PLXNA2: variants seen among roughly 807,000 people sequenced by gnomAD.
The protein encoded by PLXNA2 is plexin A2.
In PLXNA2, 91 loss-of-function variants were observed where a neutral mutation model predicts 193.5. The observed-to-expected ratio is 0.47, with a 90% CI of 0.40 to 0.56. The LOEUF (loss-of-function observed/expected upper bound fraction) is 0.56, where lower values mean the gene tolerates loss of function less well. PLXNA2 is among the 20% of genes least tolerant of loss of function. The pLI, the probability that PLXNA2 is intolerant of heterozygous loss-of-function variation, is 0.00. For missense variants in PLXNA2, 1,995 were observed against 2,503.2 expected, an observed-to-expected ratio of 0.80 and a Z score of 4.33; for synonymous variants, 997 against 1,027.3, an observed-to-expected ratio of 0.97 and a Z score of 0.56.
At chr1:208,174,355 C>T (rs1319754779) in intron 3 of PLXNA2, among the ~76,000 whole-genome samples, 2 of 140,948 alleles carry the variant, frequency 1.4e-5, no homozygotes, top group South Asian at 2.3e-4. Context: ...CTTGCAGAGG[C>T]GCCTGGGGGA....
At chr1:208,099,330 C>A (rs954974672) in intron 5 of PLXNA2, among the ~76,000 whole-genome samples, 1 of 152,146 alleles carries the variant, frequency 6.6e-6, no homozygotes, top group African/African-American at 2.4e-5. Context: ...CTCCACAGTG[C>A]GGGAGCGGGC....
At chr1:208,091,120 G>A (rs985165783) in intron 9 of PLXNA2, among the ~76,000 whole-genome samples, 1 of 152,168 alleles carries the variant, frequency 6.6e-6, no homozygotes, top group African/African-American at 2.4e-5. Flanking sequence ...TTTCTGAAAG[G>A]TTCTCAGGGC....
chr1:208,159,584 G>C (rs1241712445), intron 3 of PLXNA2, among the ~76,000 whole-genome samples: 1 of 152,244 alleles, frequency 6.6e-6, no homozygotes, highest in East Asian at 1.9e-4. Flanking sequence ...AGGGGATTTA[G>C]GACTCTGACA....
chr1:208,135,491 A>G (rs937541419), intron 4 of PLXNA2, among the ~76,000 whole-genome samples: 1 of 152,198 alleles, frequency 6.6e-6, no homozygotes, highest in African/African-American at 2.4e-5. Context: ...CCTGCTACTG[A>G]TGGATTCCTG....
At chr1:208,072,777 C>G (rs147568554) in intron 12 of PLXNA2, among the ~76,000 whole-genome samples, 2,886 of 152,292 alleles carry the variant, frequency 0.019, 43 homozygotes, top group Non-Finnish European at 0.029. Flanking sequence ...AAGTGTGGAC[C>G]TCATTACATT....
intron 28 of PLXNA2, chr1:208,032,226 G>GT (rs1190425671): frequency 3.9e-6 from 3 of 766,786 alleles, no homozygotes; most frequent in Non-Finnish European, 4.8e-6. Flanking sequence ...GAGACAAGTG[G>GT]TATCTGGAAT....
chr1:208,179,564 C>T (rs1212925787), intron 3 of PLXNA2, among the ~76,000 whole-genome samples: 1 of 152,196 alleles, frequency 6.6e-6, no homozygotes, highest in East Asian at 1.9e-4. Context: ...GACTACACGT[C>T]AGCCCTAGAG....
intron 12 of PLXNA2, among the ~76,000 whole-genome samples, chr1:208,077,316 A>G (rs1666191276): frequency 6.6e-6 from 1 of 152,194 alleles, no homozygotes; most frequent in Admixed American, 6.5e-5. Flanking sequence ...CAGCATAATT[A>G]CCTCGGGGGG....
intron 2 of PLXNA2, among the ~76,000 whole-genome samples, chr1:208,214,087 C>G (rs1159843961): frequency 6.6e-6 from 1 of 152,072 alleles, no homozygotes; most frequent in African/African-American, 2.4e-5. Context: ...CTCCACCTCT[C>G]CACATTGGTT....
rs533113384 is a variant in PLXNA2 at position 208,146,644 on chromosome 1, G to A, written c.1372-4181C>T. Among the ~76,000 whole-genome samples the A allele has an allele frequency of 3.7e-3, 566 of 152,310 alleles. 7 individuals are homozygous for A. Among genetic ancestry groups the A allele is most frequent in the South Asian group, 0.032 (152 of 4,814 alleles). ...TGGCCAGTGGTGAGGGGAGTGTCAAGGAGTCCCAAAACAAGAGTGGGATTT... is the reference window on the plus strand; with the variant it reads ...TGGCCAGTGGTGAGGGGAGTGTCAAAGAGTCCCAAAACAAGAGTGGGATTT... On this transcript the variant is annotated intron_variant, in intron 3 of 31. Coordinates refer to ENST00000367033, the MANE Select transcript of PLXNA2 (RefSeq NM_025179.4).
chr1:208,167,717 G>A (rs1355794321), intron 3 of PLXNA2, among the ~76,000 whole-genome samples: 1 of 152,244 alleles, frequency 6.6e-6, no homozygotes, highest in Non-Finnish European at 1.5e-5. Flanking sequence ...GGAGTGAGCA[G>A]CAGCAGCCCG....
At chr1:208,179,468 C>A (rs79970754) in intron 3 of PLXNA2, among the ~76,000 whole-genome samples, 3 of 152,254 alleles carry the variant, frequency 2.0e-5, no homozygotes, top group South Asian at 4.1e-4. Flanking sequence ...TGGTCAGGAA[C>A]CTCCTCCCTC....
At chr1:208,103,337 C>G (rs977260443) in intron 4 of PLXNA2, 90 bp from the exon 5 acceptor site, 1 of 950,142 alleles carries the variant, frequency 1.1e-6, no homozygotes, top group Non-Finnish European at 1.6e-6. Context: ...CTCACACTTG[C>G]ACTGTCAACT....
intron 3 of PLXNA2, among the ~76,000 whole-genome samples, chr1:208,162,156 A>T (rs1346791953): frequency 6.6e-6 from 1 of 152,156 alleles, no homozygotes; most frequent in African/African-American, 2.4e-5. Flanking sequence ...AGGTAGAAAA[A>T]CCTGCCTCAT....
chr1:208,046,569 T>A (rs1483205219), intron 17 of PLXNA2, among the ~76,000 whole-genome samples: 2 of 151,862 alleles, frequency 1.3e-5, no homozygotes, highest in Non-Finnish European at 2.9e-5. Flanking sequence ...TGAGTGTGTG[T>A]GTGTGTGTGT....
intron 12 of PLXNA2, among the ~76,000 whole-genome samples, chr1:208,074,399 C>A (rs1171883594): frequency 1.3e-5 from 2 of 152,188 alleles, no homozygotes; most frequent in African/African-American, 4.8e-5. Context: ...ATGGGAGCAG[C>A]TCAGGAGGCC....
In PLXNA2 at chr1:208,079,413, G is replaced by T; in HGVS notation, c.2433C>A (p.Cys811Ter). ...TCCGGTCGGCCTTGAGGCAGAGGCC[G>T]CAGCTCTCCCGCTGGGCTGCACACT... ...LYKCAAQRES[C>*]GLCLKADRKF... The change falls in exon 12 of 32, where the codon TGC (cysteine) becomes TGA (stop). Residue 811 changes from cysteine to a stop codon, truncating the protein, a stop_gained. Coordinates refer to ENST00000367033, the MANE Select transcript of PLXNA2 (RefSeq NM_025179.4). LOFTEE classifies it high-confidence loss of function. 1 of 1,611,384 alleles carries T rather than the reference G, an allele frequency of 6.2e-7. No individual in the cohort carries two copies. The highest frequency in any genetic ancestry group is 8.5e-7 in the Non-Finnish European group (1 of 1,178,658).
chr1:208,077,766 G>A (rs1046995281), intron 12 of PLXNA2, among the ~76,000 whole-genome samples: 4 of 152,180 alleles, frequency 2.6e-5, no homozygotes, highest in African/African-American at 4.8e-5. Flanking sequence ...AAAGACACAG[G>A]AGAAAGTCAG....
chr1:208,098,243 T>C (rs979535267), intron 6 of PLXNA2, among the ~76,000 whole-genome samples: 7 of 152,198 alleles, frequency 4.6e-5, no homozygotes, highest in Admixed American at 6.5e-5. Context: ...GGAAGGTTCA[T>C]TAACTAATTA....
Sources: allele counts gnomAD v4.1 joint callset (sites outside exome capture counted in the v4.1 genomes callset), GRCh38; gene constraint gnomAD v4.1.1; transcripts MANE v1.5; gene names NCBI Gene and HGNC (gene_info 2026-07-23, HGNC 2026-07-21).